Variants in R3HDM2 observed in about 807,000 individuals in gnomAD.
R3HDM2 encodes the protein R3H domain-containing protein 2.
Under a neutral mutation model 124.5 loss-of-function variants are expected in R3HDM2, and 38 were observed. The observed-to-expected ratio is 0.31, with a 90% CI of 0.24 to 0.40. The LOEUF is 0.40. R3HDM2 is among the 10% of genes least tolerant of loss of function. The pLI, the probability that R3HDM2 is intolerant of heterozygous loss-of-function variation, is 1.00. For synonymous variants in R3HDM2, 391 were observed against 448.0 expected (o/e 0.87, Z 1.61); for missense variants, 869 against 1,236.9 (o/e 0.70, Z 4.46).
chr12:57,307,320 GTT>G (rs199839547), intron 3 of R3HDM2, among the ~76,000 whole-genome samples: 28,077 of 149,230 alleles, frequency 0.19, 3,043 homozygotes, highest in Admixed American at 0.28. Flanking sequence ...TTTTGTTGTT[GTT>G]TTGTTTTGTT....
intron 2 of R3HDM2, among the ~76,000 whole-genome samples, chr12:57,357,848 T>A (rs2061467846): frequency 1.3e-5 from 2 of 152,124 alleles, no homozygotes; most frequent in South Asian, 4.1e-4. Context: ...TTTTTCCATA[T>A]CATGTTCCCA....
intron 3 of R3HDM2, 82 bp downstream of exon 3, chr12:57,310,182 G>A: frequency 9.5e-7 from 1 of 1,047,664 alleles, no homozygotes; most frequent in African/African-American, 1.7e-5. Context: ...TGCACTCCAG[G>A]TTGGGTAACA....
chr12:57,269,070 A>G lies in R3HDM2; in HGVS notation c.1727T>C (p.Met576Thr), dbSNP rs1329751263. The change falls in exon 17 of 24, where the codon ATG becomes ACG. Residue 576 changes from methionine to threonine, a missense_variant. By Grantham distance (81) the Met-to-Thr change is moderately conservative. This residue lies in a region of R3HDM2 where 602 missense variants were observed against 789.2 expected (regional missense o/e 0.76). Coordinates refer to ENST00000402412, the MANE Select transcript of R3HDM2 (RefSeq NM_001394031.1). ...QPSQQPGLQPMMPNQQQAAYQ... is the reference protein window; with the variant it reads ...QPSQQPGLQPTMPNQQQAAYQ... Reference sequence around the variant, plus strand: ...AGCCGCCTGCTGCTGGTTAGGCATCATGGGCTGTAAACCTAGAGATGGGCA... The same window carrying G: ...AGCCGCCTGCTGCTGGTTAGGCATCGTGGGCTGTAAACCTAGAGATGGGCA... 6.2e-7 allele frequency: 1 copy of G among 1,614,102 alleles called. No individual in the cohort carries two copies. Among genetic ancestry groups the G allele is most frequent in the African/African-American group, 1.3e-5 (1 of 74,930 alleles).
In R3HDM2 at chr12:57,268,460, G is replaced by A. The variant is rs759046209; in HGVS notation, c.1876-3C>T. The A allele has an allele frequency of 3.1e-6, 5 of 1,613,654 alleles. No homozygotes were observed. The highest frequency in any genetic ancestry group is 4.2e-6 in the Non-Finnish European group (5 of 1,179,816). Reference sequence around the variant, plus strand: ...TGCGAGTCACTACCCACTGGAACCTGGGTGAGAAAGAGAAGAGAAAGAATC... The same window carrying A: ...TGCGAGTCACTACCCACTGGAACCTAGGTGAGAAAGAGAAGAGAAAGAATC... On this transcript the variant is annotated splice_polypyrimidine_tract_variant and splice_region_variant and intron_variant, in intron 17 of 23. Coordinates refer to ENST00000402412, the MANE Select transcript of R3HDM2 (RefSeq NM_001394031.1).
chr12:57,257,424 A>G (rs1269438625), intron 21 of R3HDM2, among the ~76,000 whole-genome samples: 3 of 152,242 alleles, frequency 2.0e-5, no homozygotes, highest in Admixed American at 6.5e-5. Context: ...AGAGCACTTT[A>G]AAGTTTTTAA....
chr12:57,254,460 T>C lies in R3HDM2; in HGVS notation c.*313A>G, dbSNP rs1183394072. On this transcript the variant is annotated 3_prime_UTR_variant, in exon 24 of 24. Transcript: ENST00000402412. ...AGGTTGCAGTTAGCCAAGATCGTGC[T>C]ACTGCACTCCAGCTGGGGTGACAAG... The C allele has an allele frequency of 2.0e-5, 6 of 301,420 alleles. No homozygotes were observed. The highest frequency in any genetic ancestry group is 2.1e-4 in the East Asian group (2 of 9,730). The allele number at this position is 301,420 out of a possible 1,614,324, so 18.7% of individuals were successfully genotyped here. A position where few individuals can be genotyped will look rare whatever the true frequency, so the allele number is the denominator to read the frequency against.
intron 2 of R3HDM2, among the ~76,000 whole-genome samples, chr12:57,346,506 A>C (rs184399704): frequency 2.0e-4 from 31 of 152,206 alleles, no homozygotes; most frequent in Admixed American, 1.2e-3. Flanking sequence ...AAGTGGGACA[A>C]CATTTTTTTT....
intron 1 of R3HDM2, among the ~76,000 whole-genome samples, chr12:57,420,524 T>C (rs2070092387): frequency 6.6e-6 from 1 of 151,542 alleles, no homozygotes; most frequent in Non-Finnish European, 1.5e-5. Flanking sequence ...GTTTTCTTTT[T>C]TTTTTTTTTT....
chr12:57,429,983 T>A (rs2139780134), intron 1 of R3HDM2, among the ~76,000 whole-genome samples: 1 of 152,332 alleles, frequency 6.6e-6, no homozygotes, highest in East Asian at 1.9e-4. Flanking sequence ...TAGTTATCTA[T>A]TTGAACAACA....
intron 11 of R3HDM2, among the ~76,000 whole-genome samples, chr12:57,290,384 A>G (rs953036291): frequency 6.6e-6 from 1 of 152,244 alleles, no homozygotes; most frequent in African/African-American, 2.4e-5. Flanking sequence ...GGTTAAGAGC[A>G]TAGACTCTGG....
intron 1 of R3HDM2, among the ~76,000 whole-genome samples, chr12:57,423,808 TAAAAAA>T (rs57587261): frequency 1.9e-5 from 1 of 51,424 alleles, no homozygotes; most frequent in Non-Finnish European, 3.3e-5. Flanking sequence ...CTGTCTCAAT[TAAAAAA>T]AAAAAAAAAA....
At chr12:57,425,339 C>A (rs1471263390) in intron 1 of R3HDM2, among the ~76,000 whole-genome samples, 1 of 152,090 alleles carries the variant, frequency 6.6e-6, no homozygotes, top group African/African-American at 2.4e-5. Flanking sequence ...GCAGTTATTT[C>A]TTTATACTAA....
chr12:57,349,524 G>T, intron 2 of R3HDM2, among the ~76,000 whole-genome samples: 1 of 148,636 alleles, frequency 6.7e-6, no homozygotes, highest in Non-Finnish European at 1.5e-5. Context: ...TAATTCAGTT[G>T]TCCTACATCT....
chr12:57,285,025 T>A (rs1329175138), intron 12 of R3HDM2, among the ~76,000 whole-genome samples: 1 of 152,078 alleles, frequency 6.6e-6, no homozygotes, highest in African/African-American at 2.4e-5. Context: ...ATACCCCACA[T>A]CCCCAACAAC....
Position 57,254,501 on chromosome 12 carries a change from CAAA to C in R3HDM2, c.*269_*271del, listed in dbSNP as rs67514723. 2,186 of 100,922 alleles carry C rather than the reference CAAA, an allele frequency of 0.022. No homozygotes were observed. The highest frequency in any genetic ancestry group is 0.042 in the South Asian group (251 of 5,966). The allele number at this position is 100,922 out of a possible 1,614,324, so 6.3% of individuals were successfully genotyped here. On this transcript the variant is annotated 3_prime_UTR_variant, in exon 24 of 24. Transcript: ENST00000402412. ...GGGTGACAAGAGCGAAACTCCGTCT[CAAA>C]AAAAAAAAAAAAAAAAAAAAGAAGA...
At chr12:57,427,782 A>C (rs1274012036) in intron 1 of R3HDM2, among the ~76,000 whole-genome samples, 2 of 151,906 alleles carry the variant, frequency 1.3e-5, no homozygotes, top group Non-Finnish European at 2.9e-5. Context: ...TTTGCCATCC[A>C]GATAGCCAAG....
At chr12:57,264,331 G>A (rs1371461552) in intron 19 of R3HDM2, among the ~76,000 whole-genome samples, 5 of 148,872 alleles carry the variant, frequency 3.4e-5, no homozygotes, top group Non-Finnish European at 5.9e-5. Flanking sequence ...CGAGGCGGGC[G>A]GATCACCTGA....
intron 2 of R3HDM2, among the ~76,000 whole-genome samples, chr12:57,335,009 G>A (rs892051409): frequency 1.3e-5 from 2 of 151,082 alleles, no homozygotes; most frequent in African/African-American, 2.4e-5. Context: ...GGGTGTAGTG[G>A]TACCTCTGTG....
chr12:57,423,213 G>A (rs960643680), intron 1 of R3HDM2, among the ~76,000 whole-genome samples: 7 of 152,068 alleles, frequency 4.6e-5, no homozygotes, highest in African/African-American at 1.7e-4. Flanking sequence ...CCTAAGGTCA[G>A]GAGTTCAAGA....
Sources: allele counts gnomAD v4.1 joint callset (sites outside exome capture counted in the v4.1 genomes callset), GRCh38; gene constraint gnomAD v4.1.1; regional missense constraint gnomAD v4.1.1; transcripts MANE v1.5; gene names NCBI Gene and HGNC (gene_info 2026-07-23, HGNC 2026-07-21).